Variants in LYPLAL1 observed in about 807,000 individuals in gnomAD.
LYPLAL1 encodes the protein lysophospholipase like 1, also known as lysophospholipase-like protein 1.
A neutral mutation model predicts 19.7 loss-of-function variants in LYPLAL1; 23 were observed. The ratio of observed to expected loss-of-function variants is 1.17; its 90% CI spans 0.84 to 1.65. The LOEUF is 1.65. Ranked by LOEUF, LYPLAL1 falls within the 40% of genes most tolerant of loss-of-function variation. LYPLAL1 has a pLI of 0.00. For synonymous variants in LYPLAL1, 119 were observed against 96.3 expected, an observed-to-expected ratio of 1.24 and a Z score of -1.38; for missense variants, 355 against 279.4, an observed-to-expected ratio of 1.27 and a Z score of -1.93.
At chr1:219,406,616 A>G in the LYPLAL1 span, among the ~76,000 whole-genome samples, 1 of 152,258 alleles carries the variant, frequency 6.6e-6, no homozygotes, top group African/African-American at 2.4e-5. Flanking sequence ...AGATGTGAAG[A>G]AGAAGGAAAT....
chr1:219,179,185 G>C lies in LYPLAL1; in HGVS notation c.130G>C (p.Val44Leu). Residue 44 changes from valine to leucine, a missense_variant, in exon 2 of 5, where the codon GTT becomes CTT. Coordinates refer to ENST00000366928, the MANE Select transcript of LYPLAL1 (RefSeq NM_138794.5). The stretch of plus-strand genomic sequence containing the variant: ...AGGATTAAGAATGTGGATCAAGCAG[G>C]TTTTAAATCAAGATTTAACATTCCA... ...GQGLRMWIKQ[V>L]LNQDLTFQHI... is the part of the protein sequence containing the mutation. 5 of 1,612,466 alleles carry C rather than the reference G, an allele frequency of 3.1e-6. No homozygotes were observed. Among genetic ancestry groups the C allele is most frequent in the Non-Finnish European group, 4.2e-6 (5 of 1,179,352 alleles).
the LYPLAL1 span, among the ~76,000 whole-genome samples, chr1:219,393,175 G>A: frequency 6.6e-6 from 1 of 152,164 alleles, no homozygotes; most frequent in African/African-American, 2.4e-5. Context: ...TTGGTTTTGA[G>A]CCTCTGGATT....
At chr1:219,214,673 A>T (rs1356549297), downstream of LYPLAL1, among the ~76,000 whole-genome samples, 1 of 140,342 alleles carries the variant, frequency 7.1e-6, no homozygotes, top group Non-Finnish European at 1.5e-5. Flanking sequence ...TATTTAAACC[A>T]GCAATTTTTC....
At chr1:219,244,553 A>C in the LYPLAL1 span, among the ~76,000 whole-genome samples, 3 of 152,310 alleles carry the variant, frequency 2.0e-5, no homozygotes, top group East Asian at 5.8e-4. Flanking sequence ...CAGCTGGTGC[A>C]CACTTGGGGA....
chr1:219,299,767 C>T, the LYPLAL1 span, among the ~76,000 whole-genome samples: 9 of 152,074 alleles, frequency 5.9e-5, no homozygotes, highest in Middle Eastern at 3.2e-3. Context: ...TTCAGAATGG[C>T]CTGAAGGGAA....
At chr1:219,315,165 T>C in the LYPLAL1 span, among the ~76,000 whole-genome samples, 51 of 152,328 alleles carry the variant, frequency 3.3e-4, no homozygotes, top group Middle Eastern at 3.4e-3. Context: ...ACTGAAATCT[T>C]TGCCTTTAAA....
the LYPLAL1 span, among the ~76,000 whole-genome samples, chr1:219,432,743 A>G: frequency 6.6e-6 from 1 of 152,214 alleles, no homozygotes; most frequent in Non-Finnish European, 1.5e-5. Context: ...CGTTCATAGT[A>G]GAATATTTTC....
chr1:219,257,512 AG>A, the LYPLAL1 span, among the ~76,000 whole-genome samples: 1 of 151,952 alleles, frequency 6.6e-6, no homozygotes, highest in Non-Finnish European at 1.5e-5. Context: ...CTGGGCCACC[AG>A]GGGAGACATC....
chr1:219,244,166 G>A, the LYPLAL1 span, among the ~76,000 whole-genome samples: 3 of 152,090 alleles, frequency 2.0e-5, no homozygotes, highest in East Asian at 5.8e-4. Flanking sequence ...CAAAGACTGA[G>A]GATTATTAAG....
intron 1 of LYPLAL1, among the ~76,000 whole-genome samples, chr1:219,177,252 A>G (rs1239678094): frequency 6.6e-6 from 1 of 152,196 alleles, no homozygotes; most frequent in African/African-American, 2.4e-5. Flanking sequence ...ACTGGCATCC[A>G]GGTAGTGTAG....
chr1:219,296,432 T>C, the LYPLAL1 span, among the ~76,000 whole-genome samples: 3 of 152,054 alleles, frequency 2.0e-5, no homozygotes, highest in Admixed American at 6.6e-5. Context: ...GGAAGGTGAG[T>C]ACCTCTGTGA....
At chr1:219,193,056 T>TG (rs1311976467) in intron 2 of LYPLAL1, 26 bp from the exon 3 acceptor site, 1 of 1,371,656 alleles carries the variant, frequency 7.3e-7, no homozygotes, top group Admixed American at 2.6e-5. Context: ...TTTCTTTTTT[T>TG]TTGGGGGGGG....
In LYPLAL1 at chr1:219,179,245, A is replaced by G. The variant is rs771079322; in HGVS notation, c.190A>G (p.Arg64Gly). 2.5e-6 allele frequency: 4 copies of G among 1,596,240 alleles called. No homozygotes were observed. The highest frequency in any genetic ancestry group is 3.4e-6 in the Non-Finnish European group (4 of 1,165,642). The part of the protein sequence containing the change: ...IKIIYPTAPP[R>G]SYTPMKGGIS... ...AATTATTTATCCAACAGCTCCTCCC[A>G]GGTATGCAGTAATTTATCTCACTTG... Residue 64 changes from arginine (R) to glycine (G), a missense_variant and splice_region_variant, in exon 2 of 5, where the codon AGA becomes GGA. Physicochemically the swap from Arg to Gly is moderately radical, Grantham distance 125. Transcript: ENST00000366928.
the LYPLAL1 span, among the ~76,000 whole-genome samples, chr1:219,409,005 A>G: frequency 6.6e-6 from 1 of 152,216 alleles, no homozygotes; most frequent in African/African-American, 2.4e-5. Flanking sequence ...AGGATGCAGG[A>G]TGGAGTGGAT....
At chr1:219,261,959 T>A in the LYPLAL1 span, among the ~76,000 whole-genome samples, 1 of 152,164 alleles carries the variant, frequency 6.6e-6, no homozygotes, top group Non-Finnish European at 1.5e-5. Flanking sequence ...CTTTTAGATT[T>A]CTCTTCTTTC....
At chr1:219,306,845 TAGATAGACAGAC>T in the LYPLAL1 span, among the ~76,000 whole-genome samples, 63 of 83,234 alleles carry the variant, frequency 7.6e-4, no homozygotes, top group South Asian at 2.8e-3. Flanking sequence ...GATAGATAGA[TAGATAGACAGAC>T]AGACAGACAG....
At chr1:219,300,672 C>G in the LYPLAL1 span, among the ~76,000 whole-genome samples, 1 of 150,974 alleles carries the variant, frequency 6.6e-6, no homozygotes, top group African/African-American at 2.4e-5. Flanking sequence ...GTAGCTGGGA[C>G]TACAGGCACC....
the LYPLAL1 span, among the ~76,000 whole-genome samples, chr1:219,389,796 G>A: frequency 1.7e-3 from 256 of 152,188 alleles, no homozygotes; most frequent in Non-Finnish European, 3.1e-3. Context: ...GGCAAAAATC[G>A]CAATTACTTT....
the LYPLAL1 span, among the ~76,000 whole-genome samples, chr1:219,224,056 T>G: frequency 5.7e-4 from 87 of 152,178 alleles, 1 homozygote; most frequent in Non-Finnish European, 1.6e-4. Context: ...ACATATTAAT[T>G]TTGGCAACTT....
Sources: gnomAD v4.1 joint callset for allele counts (sites outside exome capture counted in the v4.1 genomes callset) on GRCh38, gnomAD v4.1.1 for gene constraint, MANE v1.5 for transcripts, NCBI Gene and HGNC (gene_info 2026-07-23, HGNC 2026-07-21) for gene names.